Variants in RGS7 observed in about 807,000 individuals in gnomAD.
RGS7 encodes the protein regulator of G-protein signaling 7.
RGS7 carries 27 observed loss-of-function variants against 81.1 expected under a neutral mutation model. The observed-to-expected ratio is 0.33, with a 90% CI of 0.25 to 0.46. The LOEUF (loss-of-function observed/expected upper bound fraction) is 0.46. Among genes scored for constraint, RGS7 ranks in the 20% least tolerant of loss-of-function variants. The pLI, the probability that RGS7 is intolerant of heterozygous loss-of-function variation, is 1.00. For synonymous variants in RGS7, 208 were observed against 207.7 expected (o/e 1.00, Z -0.01); for missense variants, 396 against 607.4 (o/e 0.65, Z 3.66).
At chr1:240,857,015 A>C (rs960613333) in intron 9 of RGS7, among the ~76,000 whole-genome samples, 3 of 152,184 alleles carry the variant, frequency 2.0e-5, no homozygotes, top group Non-Finnish European at 4.4e-5. Context: ...TATATGGCAT[A>C]CAAAGACACA....
chr1:241,099,891 T>C (rs1428239837), intron 2 of RGS7, among the ~76,000 whole-genome samples: 2 of 152,206 alleles, frequency 1.3e-5, no homozygotes, highest in Admixed American at 6.5e-5. Flanking sequence ...GTTTAGCTAA[T>C]AGTGTTGTAC....
At chr1:241,054,131 G>T (rs2061375569) in intron 3 of RGS7, among the ~76,000 whole-genome samples, 1 of 152,166 alleles carries the variant, frequency 6.6e-6, no homozygotes, top group Admixed American at 6.5e-5. Context: ...TAGAGTCCTT[G>T]ATCTCACTAG....
At chr1:241,301,438 T>C (rs766054213) in intron 2 of RGS7, among the ~76,000 whole-genome samples, 3 of 152,226 alleles carry the variant, frequency 2.0e-5, no homozygotes, top group Non-Finnish European at 4.4e-5. Flanking sequence ...AGGAGATTTA[T>C]TCTTGATTGA....
intron 4 of RGS7, among the ~76,000 whole-genome samples, chr1:240,958,574 G>A (rs911811442): frequency 1.4e-4 from 22 of 152,076 alleles, no homozygotes; most frequent in African/African-American, 4.8e-4. Context: ...TCTGCAGGAC[G>A]ACTTTTATTC....
At chr1:241,010,657 C>T (rs2058912309) in intron 3 of RGS7, among the ~76,000 whole-genome samples, 2 of 152,318 alleles carry the variant, frequency 1.3e-5, no homozygotes, top group South Asian at 4.1e-4. Flanking sequence ...GCTAAAAATG[C>T]AGCTACACAT....
At chr1:240,993,056 C>T (rs892388565) in intron 3 of RGS7, among the ~76,000 whole-genome samples, 7 of 110,032 alleles carry the variant, frequency 6.4e-5, no homozygotes, top group Non-Finnish European at 8.5e-5. Context: ...AGAGGGAGAG[C>T]GAGAGGAGGA....
chr1:240,976,706 T>C (rs1684112557), intron 4 of RGS7, among the ~76,000 whole-genome samples: 2 of 151,930 alleles, frequency 1.3e-5, no homozygotes, highest in Non-Finnish European at 2.9e-5. Context: ...CAAAATTGTG[T>C]GAGCAAATTC....
chr1:241,054,677 A>G (rs987614862), intron 3 of RGS7, among the ~76,000 whole-genome samples: 6 of 152,226 alleles, frequency 3.9e-5, no homozygotes, highest in Non-Finnish European at 8.8e-5. Flanking sequence ...CACATCTATT[A>G]AGAGTGCCAA....
intron 18 of RGS7, among the ~76,000 whole-genome samples, chr1:240,778,982 C>G (rs141374524): frequency 6.6e-6 from 1 of 152,072 alleles, no homozygotes; most frequent in Non-Finnish European, 1.5e-5. Context: ...TCTGTCTGTC[C>G]CCCTCAAAGC....
intron 2 of RGS7, among the ~76,000 whole-genome samples, chr1:241,228,823 C>T (rs1025110066): frequency 6.9e-6 from 1 of 145,852 alleles, no homozygotes; most frequent in African/African-American, 2.4e-5. Flanking sequence ...TGCCTGGTTG[C>T]CCCTATCTTT....
At chr1:240,940,319 A>G (rs1677374292) in intron 4 of RGS7, among the ~76,000 whole-genome samples, 1 of 152,100 alleles carries the variant, frequency 6.6e-6, no homozygotes. Context: ...ATCCCCATGT[A>G]CATGTAAAAC....
chr1:240,940,322 T>C lies in RGS7; in HGVS notation c.227-3616A>G, dbSNP rs77089231. On this transcript the variant is annotated intron_variant, in intron 4 of 18. Coordinates refer to ENST00000440928, the MANE Select transcript of RGS7 (RefSeq NM_001364886.1). ...ACTCTTGTGAAGATCCCCATGTACA[T>C]GTAAAACTAATAAAATGTGTATGAT... Among the ~76,000 whole-genome samples the C allele has an allele frequency of 7.9e-3, 1,202 of 152,310 alleles. 4 individuals carry two copies. The highest frequency in any genetic ancestry group is 0.014 in the Non-Finnish European group (959 of 68,028).
chr1:240,842,176 A>T (rs1977843), intron 9 of RGS7, among the ~76,000 whole-genome samples: 1 of 143,900 alleles, frequency 6.9e-6, no homozygotes, highest in Non-Finnish European at 1.5e-5. Flanking sequence ...TTCTTCTATG[A>T]TTTCAGATTA....
At chr1:241,316,436 A>G (rs945452431) in intron 2 of RGS7, among the ~76,000 whole-genome samples, 18 of 152,210 alleles carry the variant, frequency 1.2e-4, no homozygotes, top group African/African-American at 4.3e-4. Flanking sequence ...CACATCCTGA[A>G]GCTACATAGG....
chr1:241,196,019 A>T (rs1311664673), intron 2 of RGS7, among the ~76,000 whole-genome samples: 1 of 152,178 alleles, frequency 6.6e-6, no homozygotes, highest in African/African-American at 2.4e-5. Flanking sequence ...AAGAATACAA[A>T]GAAAACCACA....
rs376923641 is a variant in RGS7, at chr1:241,329,980, G to A, written c.78+25719C>T. ...TTTTGAGATGGAGTCTCGCTCTATC[G>A]CCCAGGCTGGAGTGGGTGGCGCAAT... On this transcript the variant is annotated intron_variant, in intron 2 of 18. Transcript: ENST00000440928. 5.3e-5 allele frequency among the ~76,000 whole-genome samples: 8 copies of A among 151,462 alleles called. No individual in the cohort carries two copies. The East Asian group carries it at 5.8e-4, about 11-fold the overall frequency.
At chr1:240,919,847 G>T (rs1198324659) in intron 6 of RGS7, 4 of 801,850 alleles carry the variant, frequency 5.0e-6, no homozygotes, top group Non-Finnish European at 6.6e-6. Context: ...CCACTGTGGA[G>T]AATGGGGATG....
chr1:241,025,898 A>G (rs553295207), intron 3 of RGS7, among the ~76,000 whole-genome samples: 73 of 152,348 alleles, frequency 4.8e-4, no homozygotes, highest in Admixed American at 4.8e-3. Context: ...CTGAATCATA[A>G]TGGAATGATA....
At chr1:241,095,231 T>C (rs1032028985) in intron 3 of RGS7, among the ~76,000 whole-genome samples, 30 of 152,326 alleles carry the variant, frequency 2.0e-4, no homozygotes, top group Admixed American at 1.8e-3. Context: ...TCTTAAACTT[T>C]AGTGCACAAA....
Sources: allele counts gnomAD v4.1 joint callset (sites outside exome capture counted in the v4.1 genomes callset), GRCh38; gene constraint gnomAD v4.1.1; transcripts MANE v1.5; gene names NCBI Gene and HGNC (gene_info 2026-07-23, HGNC 2026-07-21).